AGBL1: variants seen among roughly 807,000 people sequenced by gnomAD.
AGBL1 encodes the protein cytosolic carboxypeptidase 4.
In AGBL1, 130 loss-of-function variants were observed where a neutral mutation model predicts 118.9. The ratio of observed to expected loss-of-function variants is 1.09; its 90% confidence interval spans 0.95 to 1.26. AGBL1 has a LOEUF of 1.26. Ranked by LOEUF, AGBL1 falls within the 50% of genes most tolerant of loss-of-function variation. The pLI, the probability that AGBL1 is intolerant of heterozygous loss-of-function variation, is 0.00. For synonymous variants in AGBL1, 555 were observed against 478.9 expected, an observed-to-expected ratio of 1.16 and a Z score of -2.08; for missense variants, 1,584 against 1,298.1, an observed-to-expected ratio of 1.22 and a Z score of -3.38.
exon 24 of AGBL1, chr15:86,988,088 C>T (rs1043061293): frequency 1.4e-5 from 22 of 1,613,170 alleles, no homozygotes; most frequent in African/African-American, 4.0e-5. Flanking sequence ...CATGTCTCCC[C>T]GTGAGTATGT....
At chr15:86,469,848 A>C (rs917641890) in intron 18 of AGBL1, among the ~76,000 whole-genome samples, 1 of 151,846 alleles carries the variant, frequency 6.6e-6, no homozygotes, top group African/African-American at 2.4e-5. Context: ...ACTTTTTTTT[A>C]TCTATCTGTT....
intron 22 of AGBL1, among the ~76,000 whole-genome samples, chr15:86,723,829 G>T (rs571129215): frequency 6.6e-6 from 1 of 152,088 alleles, no homozygotes; most frequent in Non-Finnish European, 1.5e-5. Context: ...GTGAAAAGGT[G>T]GCAGGACCAA....
intron 17 of AGBL1, among the ~76,000 whole-genome samples, chr15:86,331,283 C>A (rs1056705484): frequency 6.7e-6 from 1 of 149,788 alleles, no homozygotes; most frequent in Non-Finnish European, 1.5e-5. Context: ...GTGACCAAAT[C>A]TATGAATTAT....
intron 6 of AGBL1, among the ~76,000 whole-genome samples, chr15:86,236,174 T>G (rs1454194985): frequency 6.6e-6 from 1 of 152,214 alleles, no homozygotes; most frequent in East Asian, 1.9e-4. Context: ...ACAGTGTAGC[T>G]GCTCTGGGGA....
chr15:86,451,750 C>T lies in AGBL1; in HGVS notation c.2555+54204C>T, dbSNP rs555165988. Among the ~76,000 whole-genome samples, 5 of 152,202 alleles carry T rather than the reference C, an allele frequency of 3.3e-5. No individual in the cohort carries two copies. The South Asian group carries it at 1.0e-3, about 32-fold the overall frequency. ...TTCCATGTCTCCCTTTTTCTCCAGG[C>T]CTTGGCCACTGTTCTAATGTGCTTT... On this transcript the variant is annotated intron_variant, in intron 18 of 22. Transcript: ENST00000614907.
chr15:86,715,086 C>A (rs1288410620), intron 22 of AGBL1, among the ~76,000 whole-genome samples: 1 of 152,158 alleles, frequency 6.6e-6, no homozygotes, highest in Non-Finnish European at 1.5e-5. Flanking sequence ...GGAATGTAAT[C>A]TGCTTTTAGG....
intron 18 of AGBL1, among the ~76,000 whole-genome samples, chr15:86,438,303 A>G (rs1009646770): frequency 2.0e-5 from 3 of 152,188 alleles, no homozygotes; most frequent in African/African-American, 7.2e-5. Context: ...GAAATGCTCA[A>G]TATACCTAAG....
chr15:86,302,137 T>C (rs2079756698), intron 17 of AGBL1, among the ~76,000 whole-genome samples: 2 of 152,066 alleles, frequency 1.3e-5, no homozygotes, highest in Non-Finnish European at 2.9e-5. Context: ...ACTTTAATAA[T>C]AAGAAGTCAG....
chr15:86,771,702 A>T (rs969539904), intron 22 of AGBL1, among the ~76,000 whole-genome samples: 6 of 150,876 alleles, frequency 4.0e-5, no homozygotes, highest in South Asian at 2.1e-4. Context: ...AGGGATGGAT[A>T]AAAAAAAAGA....
chr15:86,329,248 TCAGGGCACC>T (rs1380264978), intron 17 of AGBL1, among the ~76,000 whole-genome samples: 1 of 151,982 alleles, frequency 6.6e-6, no homozygotes, highest in African/African-American at 2.4e-5. Context: ...ATCCAGGCAT[TCAGGGCACC>T]CACTTGCCTG....
intron 6 of AGBL1, among the ~76,000 whole-genome samples, chr15:86,243,543 CA>C (rs1031292175): frequency 1.4e-4 from 22 of 151,928 alleles, no homozygotes; most frequent in African/African-American, 5.3e-4. Flanking sequence ...GAAAACTGGC[CA>C]AAAAAATACC....
intron 24 of AGBL1, among the ~76,000 whole-genome samples, chr15:87,022,588 T>C (rs1465800508): frequency 6.6e-6 from 1 of 151,960 alleles, no homozygotes; most frequent in East Asian, 1.9e-4. Context: ...GACATCCAAA[T>C]ACAAGAAGCT....
chr15:86,533,856 G>A (rs200921237), intron 19 of AGBL1, among the ~76,000 whole-genome samples: 26,662 of 73,932 alleles, frequency 0.36, 4,693 homozygotes, highest in East Asian at 0.57. Flanking sequence ...GTAAACTATC[G>A]CAAGAACAAA....
intron 22 of AGBL1, among the ~76,000 whole-genome samples, chr15:86,704,986 C>T (rs775926847): frequency 1.1e-4 from 16 of 152,054 alleles, no homozygotes; most frequent in Non-Finnish European, 1.6e-4. Flanking sequence ...TTTGTAGGGA[C>T]GTGGATGAAG....
At chr15:86,180,741 A>C (rs2141789540) in intron 5 of AGBL1, among the ~76,000 whole-genome samples, 1 of 152,256 alleles carries the variant, frequency 6.6e-6, no homozygotes, top group South Asian at 2.1e-4. Context: ...CACAGGCTAC[A>C]CACTGGGAGA....
intron 22 of AGBL1, among the ~76,000 whole-genome samples, chr15:86,725,533 G>A (rs1017526220): frequency 3.9e-5 from 6 of 152,226 alleles, no homozygotes; most frequent in Admixed American, 1.3e-4. Context: ...TACCAATGTA[G>A]TATCAGCAGA....
intron 6 of AGBL1, among the ~76,000 whole-genome samples, chr15:86,242,158 T>G (rs1484325123): frequency 1.3e-5 from 2 of 152,174 alleles, no homozygotes; most frequent in Non-Finnish European, 2.9e-5. Context: ...ACAGTGGAAC[T>G]GTGAATCAAT....
intron 18 of AGBL1, among the ~76,000 whole-genome samples, chr15:86,411,567 T>C (rs2081621663): frequency 6.6e-6 from 1 of 152,162 alleles, no homozygotes; most frequent in Non-Finnish European, 1.5e-5. Context: ...TTTGAATTAT[T>C]AGCCTTACTC....
chr15:86,693,085 C>CT (rs1462864283), intron 22 of AGBL1, among the ~76,000 whole-genome samples: 3 of 152,180 alleles, frequency 2.0e-5, no homozygotes, highest in African/African-American at 7.2e-5. Flanking sequence ...GTGCAAGTAT[C>CT]TTTTTCGTAT....
Sources: allele counts gnomAD v4.1 joint callset (sites outside exome capture counted in the v4.1 genomes callset), GRCh38; gene constraint gnomAD v4.1.1; transcripts MANE v1.5; gene names NCBI Gene and HGNC (gene_info 2026-07-23, HGNC 2026-07-21).